The following SLC30A8 variants were observed in gnomAD, a reference collection of about 807,000 sequenced individuals.
SLC30A8 encodes solute carrier family 30 member 8, also known as proton-coupled zinc antiporter SLC30A8.
In SLC30A8, 27 loss-of-function variants were observed where a neutral mutation model predicts 36.9. The observed-to-expected ratio is 0.73, with a 90% CI of 0.54 to 1.01. SLC30A8 has a LOEUF of 1.01. Among genes scored for constraint, SLC30A8 ranks in the 50% least tolerant of loss-of-function variants. The pLI, the probability that SLC30A8 is intolerant of heterozygous loss-of-function variation, is 0.00. For missense variants in SLC30A8, 439 were observed against 452.0 expected (o/e 0.97, Z 0.26); for synonymous variants, 164 against 172.4 (o/e 0.95, Z 0.38).
At chr8:117,010,800 T>C (rs918075586) in intron 1 of SLC30A8, among the ~76,000 whole-genome samples, 4 of 152,096 alleles carry the variant, frequency 2.6e-5, no homozygotes, top group African/African-American at 9.7e-5. Flanking sequence ...AGGCACATCT[T>C]ATATGGCACA....
chr8:117,004,943 C>T (rs1003000950), intron 1 of SLC30A8, among the ~76,000 whole-genome samples: 8 of 151,990 alleles, frequency 5.3e-5, no homozygotes, highest in Admixed American at 4.6e-4. Flanking sequence ...TCTCAATTCT[C>T]TTATATTGGA....
chr8:117,104,342 C>T (rs541737993), intron 2 of SLC30A8, among the ~76,000 whole-genome samples: 10 of 152,112 alleles, frequency 6.6e-5, no homozygotes, highest in South Asian at 2.1e-4. Flanking sequence ...GTTTATTGCT[C>T]GCAGGTTCTG....
At chr8:117,114,259 A>G (rs1021023894) in intron 2 of SLC30A8, among the ~76,000 whole-genome samples, 1 of 152,130 alleles carries the variant, frequency 6.6e-6, no homozygotes, top group African/African-American at 2.4e-5. Context: ...TAGGATTTGA[A>G]TGGAAAAAAC....
rs557229740 is a variant in SLC30A8, at chr8:117,142,167, T to G, written c.72-4787T>G. On this transcript the variant is annotated intron_variant, in intron 1 of 7. Coordinates refer to ENST00000456015, the MANE Select transcript of SLC30A8 (RefSeq NM_173851.3). ...CAGAAACCAACAAGTCATCTTTGAG[T>G]TGCACCTCTCTATTATTCCCCCTTA... 1.2e-4 allele frequency among the ~76,000 whole-genome samples: 18 copies of G among 152,204 alleles called. No individual in the cohort carries two copies. In the South Asian group the frequency reaches 3.7e-3, roughly 31 times the overall value.
At chr8:117,137,611 T>C (rs1199250905) in intron 1 of SLC30A8, among the ~76,000 whole-genome samples, 1 of 152,010 alleles carries the variant, frequency 6.6e-6, no homozygotes, top group Non-Finnish European at 1.5e-5. Flanking sequence ...TTCACTCACA[T>C]GACTGAGATC....
intron 1 of SLC30A8, among the ~76,000 whole-genome samples, chr8:116,954,830 G>A (rs1814132655): frequency 6.6e-6 from 1 of 152,182 alleles, no homozygotes; most frequent in African/African-American, 2.4e-5. Flanking sequence ...AGCCAAATAA[G>A]AGTAGAGATC....
At chr8:116,969,309 T>A (rs1362731853) in intron 1 of SLC30A8, among the ~76,000 whole-genome samples, 1 of 152,072 alleles carries the variant, frequency 6.6e-6, no homozygotes, top group South Asian at 2.1e-4. Flanking sequence ...TCCCAGCTAT[T>A]CGGGAGGCTG....
chr8:117,096,782 T>C (rs1053633694), intron 2 of SLC30A8, among the ~76,000 whole-genome samples: 1 of 152,140 alleles, frequency 6.6e-6, no homozygotes, highest in Non-Finnish European at 1.5e-5. Flanking sequence ...AAATGACATA[T>C]TGTCATATGA....
At chr8:117,058,364 A>G (rs894334473) in intron 2 of SLC30A8, among the ~76,000 whole-genome samples, 4 of 152,040 alleles carry the variant, frequency 2.6e-5, no homozygotes, top group Non-Finnish European at 5.9e-5. Flanking sequence ...TTTCTTTGCT[A>G]TGCAAAAACT....
intron 1 of SLC30A8, among the ~76,000 whole-genome samples, chr8:116,961,953 A>G (rs1814439696): frequency 6.6e-6 from 1 of 151,960 alleles, no homozygotes; most frequent in South Asian, 2.1e-4. Flanking sequence ...ACACCGTTGC[A>G]TTAGGGATTA....
rs1278236776 is a variant in SLC30A8 at position 116,963,344 on chromosome 8, A to T, written c.-266+12225A>T. On this transcript the variant is annotated intron_variant, in intron 1 of 10. Transcript: ENST00000427715. ...TAATTGACCATTAGTGACACTTAGC[A>T]CTTTATAGTGTGATGCGACCACCAT... Among the ~76,000 whole-genome samples, 5 of 152,050 alleles carry T rather than the reference A, an allele frequency of 3.3e-5. No homozygotes were observed. In the East Asian group the frequency reaches 9.7e-4, roughly 29 times the overall value.
At chr8:117,152,708 T>C (rs755894899) in intron 2 of SLC30A8, among the ~76,000 whole-genome samples, 28 of 152,300 alleles carry the variant, frequency 1.8e-4, no homozygotes, top group Non-Finnish European at 3.4e-4. Context: ...CCACACTTTC[T>C]AGTCTCTATG....
intron 3 of SLC30A8, among the ~76,000 whole-genome samples, chr8:117,153,493 A>G (rs897697454): frequency 1.3e-5 from 2 of 152,224 alleles, no homozygotes; most frequent in African/African-American, 4.8e-5. Flanking sequence ...AGAACTTCTT[A>G]TAGAGGATTC....
chr8:116,999,791 G>A (rs3020122), intron 1 of SLC30A8, among the ~76,000 whole-genome samples: 69,074 of 151,852 alleles, frequency 0.45, 15,983 homozygotes, highest in Admixed American at 0.53. Context: ...GCAGAGGTAA[G>A]TTAAAGTTTC....
At chr8:117,073,689 CT>C (rs1818401820) in intron 2 of SLC30A8, among the ~76,000 whole-genome samples, 1 of 152,250 alleles carries the variant, frequency 6.6e-6, no homozygotes, top group Non-Finnish European at 1.5e-5. Flanking sequence ...ATTCAAAACT[CT>C]TTCCCTTTGG....
intron 2 of SLC30A8, among the ~76,000 whole-genome samples, chr8:117,046,116 A>G (rs1429379413): frequency 1.3e-5 from 2 of 152,132 alleles, no homozygotes; most frequent in East Asian, 3.9e-4. Context: ...GATCAGAGGG[A>G]GAGGTTGTGA....
intron 1 of SLC30A8, among the ~76,000 whole-genome samples, chr8:117,140,371 A>T (rs1821594327): frequency 6.6e-6 from 1 of 152,044 alleles, no homozygotes; most frequent in Non-Finnish European, 1.5e-5. Context: ...AAGTTTGTTG[A>T]ATATTAATCT....
At chr8:116,994,668 G>T (rs1046296024) in intron 1 of SLC30A8, among the ~76,000 whole-genome samples, 1 of 152,176 alleles carries the variant, frequency 6.6e-6, no homozygotes, top group South Asian at 2.1e-4. Context: ...TATACTATAC[G>T]TTGATTCAGG....
intron 2 of SLC30A8, among the ~76,000 whole-genome samples, chr8:117,109,232 GTTA>G (rs1433403722): frequency 6.6e-6 from 1 of 152,130 alleles, no homozygotes; most frequent in Non-Finnish European, 1.5e-5. Flanking sequence ...CCGTGTAAAA[GTTA>G]TTATAATGGG....
Sources: gnomAD v4.1 joint callset for allele counts (sites outside exome capture counted in the v4.1 genomes callset) on GRCh38, gnomAD v4.1.1 for gene constraint, MANE v1.5 for transcripts, NCBI Gene and HGNC (gene_info 2026-07-23, HGNC 2026-07-21) for gene names.